ABLIM2: variants seen among roughly 807,000 people sequenced by gnomAD.
ABLIM2 encodes actin-binding LIM protein 2.
ABLIM2 carries 53 observed loss-of-function variants against 97.7 expected under a neutral mutation model. The ratio of observed to expected loss-of-function variants is 0.54; its 90% confidence interval spans 0.44 to 0.68. The LOEUF is 0.68. ABLIM2 is among the 30% of genes least tolerant of loss of function. The pLI, the probability that ABLIM2 is intolerant of heterozygous loss-of-function variation, is 0.00. For missense variants in ABLIM2, 835 were observed against 867.2 expected (o/e 0.96, Z 0.47); for synonymous variants, 361 against 345.8 (o/e 1.04, Z -0.49).
intron 12 of ABLIM2, among the ~76,000 whole-genome samples, chr4:8,027,265 A>G (rs567265683): frequency 6.6e-6 from 1 of 152,214 alleles, no homozygotes; most frequent in East Asian, 1.9e-4. Context: ...AGGGATGTGG[A>G]TGGCTCATCC....
At chr4:8,158,072 T>C (rs1438676388) in intron 1 of ABLIM2, among the ~76,000 whole-genome samples, 2 of 151,934 alleles carry the variant, frequency 1.3e-5, no homozygotes, top group Non-Finnish European at 2.9e-5. Flanking sequence ...GGAGGGTGGG[T>C]GCGGCGGGAA....
chr4:7,976,377 A>C (rs1234133474), intron 20 of ABLIM2, among the ~76,000 whole-genome samples: 1 of 152,204 alleles, frequency 6.6e-6, no homozygotes, highest in African/African-American at 2.4e-5. Flanking sequence ...AATGGCCCTG[A>C]AACAGTCTCC....
Position 7,992,857 on chromosome 4 carries a change from A to C in ABLIM2, c.1680+9T>G, listed in dbSNP as rs1004839307. On this transcript the variant is annotated intron_variant, in intron 17 of 20. Coordinates refer to ENST00000447017, the MANE Select transcript of ABLIM2 (RefSeq NM_001130083.2). The surrounding 1 kb of genome is among the most constrained non-coding windows in gnomAD (Gnocchi z 5.7). ...AGTACCCTGTGGCCAGGGAGGGGTC[A>C]GTACCTACCCGCTGGTCCAAGCCAT... 41 of 1,611,812 alleles carry C rather than the reference A, an allele frequency of 2.5e-5. No individual in the cohort carries two copies. The highest frequency in any genetic ancestry group is 3.4e-5 in the Non-Finnish European group (40 of 1,179,278).
chr4:8,150,488 C>A lies in ABLIM2; in HGVS notation c.10+8192G>T, dbSNP rs914494890. 1.3e-5 allele frequency among the ~76,000 whole-genome samples: 2 copies of A among 152,242 alleles called. No individual in the cohort carries two copies. Among genetic ancestry groups the A allele is most frequent in the Non-Finnish European group, 2.9e-5 (2 of 68,044 alleles). ...AGGCAGCATGCTAGCCGCAGTGACA[C>A]TGAGCACTTTTCTTGGTGCGCTGGC... is the stretch of plus-strand genomic sequence containing the variant. On this transcript the variant is annotated intron_variant, in intron 1 of 20. Coordinates refer to ENST00000447017, the MANE Select transcript of ABLIM2 (RefSeq NM_001130083.2). This position sits in a 1 kb window ranked among gnomAD's most constrained non-coding sequence, Gnocchi z 6.3.
In ABLIM2 at chr4:8,139,934, G is replaced by C. The variant is rs796579261; in HGVS notation, c.10+18746C>G. The stretch of plus-strand genomic sequence containing the variant: ...TACTATGCAGCCATAAAAAAGGAAA[G>C]AGATCGTGTCCTTTGCAAGGACATG... On this transcript the variant is annotated intron_variant, in intron 1 of 20. Coordinates refer to ENST00000447017, the MANE Select transcript of ABLIM2 (RefSeq NM_001130083.2). Among the ~76,000 whole-genome samples the C allele has an allele frequency of 3.3e-5, 5 of 152,136 alleles. No individual in the cohort carries two copies. In the South Asian group the frequency reaches 6.2e-4, roughly 19 times the overall value.
At chr4:8,096,547 A>C (rs1325905661) in intron 3 of ABLIM2, among the ~76,000 whole-genome samples, 2 of 152,222 alleles carry the variant, frequency 1.3e-5, no homozygotes, top group Non-Finnish European at 2.9e-5. Context: ...TGTCTCCGGC[A>C]CACGCTGTAA....
At position 8,118,800 on chromosome 4, in the gene ABLIM2, G is replaced by A. The variant is rs145056324; in HGVS notation, c.11-12163C>T. ...ACCCTACTTGTCCTTCCAGGCCCAC[G>A]TCAAATGCCCCCTCTGTACCGACAG... On this transcript the variant is annotated intron_variant, in intron 1 of 20. Coordinates refer to ENST00000447017, the MANE Select transcript of ABLIM2 (RefSeq NM_001130083.2). Among the ~76,000 whole-genome samples, 71 of 152,346 alleles carry A rather than the reference G, an allele frequency of 4.7e-4. No individual in the cohort carries two copies. In the East Asian group the frequency reaches 0.013, roughly 27 times the overall value.
chr4:8,103,807 G>A (rs1218743452), intron 2 of ABLIM2, among the ~76,000 whole-genome samples: 2 of 152,252 alleles, frequency 1.3e-5, no homozygotes, highest in African/African-American at 4.8e-5. Context: ...GTCACAGGAG[G>A]TGATGAGCTT....
Position 8,043,419 on chromosome 4 carries a change from C to T in ABLIM2, c.900+1745G>A, listed in dbSNP as rs1790049501. ...GATGATGATGGTATTATGGACTGAACTGTGTCTCCCCGAATTCCTGTGTTG... is the reference window on the plus strand; with the variant it reads ...GATGATGATGGTATTATGGACTGAATTGTGTCTCCCCGAATTCCTGTGTTG... On this transcript the variant is annotated intron_variant, in intron 9 of 20. Coordinates refer to ENST00000447017, the MANE Select transcript of ABLIM2 (RefSeq NM_001130083.2). The surrounding 1 kb of genome is among the most constrained non-coding windows in gnomAD (Gnocchi z 4.8). Among the ~76,000 whole-genome samples, 1 of 152,124 alleles carries T rather than the reference C, an allele frequency of 6.6e-6. No homozygotes were observed. The highest frequency in any genetic ancestry group is 2.4e-5 in the African/African-American group (1 of 41,424).
rs1283831458 is a variant in ABLIM2, at chr4:8,015,633, T to A, written c.1423+3985A>T. ...ACAACGTGTGTCCCGTGGGGTCACT[T>A]CCACTGTTGGCTTTGGGTGGGCAGG... On this transcript the variant is annotated intron_variant, in intron 14 of 20. Transcript: ENST00000447017. The surrounding 1 kb of genome is among the most constrained non-coding windows in gnomAD (Gnocchi z 4.6). Among the ~76,000 whole-genome samples the A allele has an allele frequency of 6.6e-6, 1 of 152,172 alleles. No homozygotes were observed. The highest frequency in any genetic ancestry group is 1.5e-5 in the Non-Finnish European group (1 of 68,026).
chr4:8,088,719 C>A (rs1219686849), intron 3 of ABLIM2, among the ~76,000 whole-genome samples: 2 of 152,250 alleles, frequency 1.3e-5, no homozygotes, highest in Non-Finnish European at 2.9e-5. Context: ...GTGCCCAGGG[C>A]CCACTACTGT....
At chr4:7,988,684 A>T (rs1267947561) in intron 17 of ABLIM2, among the ~76,000 whole-genome samples, 1 of 152,226 alleles carries the variant, frequency 6.6e-6, no homozygotes, top group Non-Finnish European at 1.5e-5. Flanking sequence ...GAACCATGCT[A>T]TGGAGCTTAT....
At position 8,142,725 on chromosome 4, in the gene ABLIM2, C is replaced by T. The variant is rs542434913; in HGVS notation, c.10+15955G>A. On this transcript the variant is annotated intron_variant, in intron 1 of 20. Transcript: ENST00000447017. ...AATCAGCGGCCTTGCCCTTGATGGCCCTCACTCTTCCCCTGCACGGTTGGA... is the reference window on the plus strand; with the variant it reads ...AATCAGCGGCCTTGCCCTTGATGGCTCTCACTCTTCCCCTGCACGGTTGGA... 1.1e-4 allele frequency among the ~76,000 whole-genome samples: 17 copies of T among 152,314 alleles called. No individual in the cohort carries two copies. The South Asian group carries it at 3.3e-3, about 30-fold the overall frequency.
rs946514477 is a variant in ABLIM2, at chr4:7,986,242, C to G, written c.1681-1349G>C. ...GTCACAGGGCAAAGTGTTTTCAACG[C>G]GAGCTTTGCAGTAGGAAATCAGTGA... On this transcript the variant is annotated intron_variant, in intron 17 of 20. Transcript: ENST00000447017. This position sits in a 1 kb window ranked among gnomAD's most constrained non-coding sequence, Gnocchi z 4.3. Among the ~76,000 whole-genome samples, 1 of 152,172 alleles carries G rather than the reference C, an allele frequency of 6.6e-6. No individual in the cohort carries two copies.
intron 1 of ABLIM2, among the ~76,000 whole-genome samples, chr4:8,135,354 T>C (rs771370986): frequency 6.6e-6 from 1 of 152,290 alleles, no homozygotes; most frequent in South Asian, 2.1e-4. Flanking sequence ...TACTAATGTA[T>C]TGCTATGTCT....
At position 8,019,787 on chromosome 4, in the gene ABLIM2, C is replaced by T; in HGVS notation, c.1370-116G>A. The T allele has an allele frequency of 2.9e-6, 3 of 1,044,108 alleles. No individual in the cohort carries two copies. Among genetic ancestry groups the T allele is most frequent in the Non-Finnish European group, 4.3e-6 (3 of 703,114 alleles). 64.7% of individuals were successfully genotyped at this position (1,044,108 alleles called of 1,614,324 possible). A position where few individuals can be genotyped will look rare whatever the true frequency, so the allele number is the denominator to read the frequency against. On this transcript the variant is annotated intron_variant, in intron 13 of 20. Coordinates refer to ENST00000447017, the MANE Select transcript of ABLIM2 (RefSeq NM_001130083.2). The surrounding 1 kb of genome is among the most constrained non-coding windows in gnomAD (Gnocchi z 4.3). Reference sequence around the variant, plus strand: ...AGCACTCACCCAGATTTAGAATCATCAGGCAGGAACTGGCACCCAGCGAGC... The same window carrying T: ...AGCACTCACCCAGATTTAGAATCATTAGGCAGGAACTGGCACCCAGCGAGC...
intron 3 of ABLIM2, among the ~76,000 whole-genome samples, chr4:8,091,351 A>ATATATATATAATATATAT (rs1561326003): frequency 3.1e-4 from 6 of 19,424 alleles, no homozygotes; most frequent in Admixed American, 8.1e-4. Flanking sequence ...ATATATATAT[A>ATATATATATAATATATAT]ATTATATATA....
At chr4:8,101,564 G>T (rs1190131736) in intron 2 of ABLIM2, among the ~76,000 whole-genome samples, 1 of 152,216 alleles carries the variant, frequency 6.6e-6, no homozygotes, top group African/African-American at 2.4e-5. Context: ...CATCCTCAGG[G>T]ACAACTCCAC....
At chr4:8,103,808 T>G (rs572286823) in intron 2 of ABLIM2, among the ~76,000 whole-genome samples, 98 of 152,158 alleles carry the variant, frequency 6.4e-4, no homozygotes, top group African/African-American at 2.3e-3. Flanking sequence ...TCACAGGAGG[T>G]GATGAGCTTG....
Sources: gnomAD v4.1 joint callset for allele counts (sites outside exome capture counted in the v4.1 genomes callset) on GRCh38, gnomAD v4.1.1 for gene constraint, Gnocchi (gnomAD v3.1) non-coding constraint, MANE v1.5 for transcripts, NCBI Gene and HGNC (gene_info 2026-07-23, HGNC 2026-07-21) for gene names.